BMPR1B: variants seen among roughly 807,000 people sequenced by gnomAD.
The protein encoded by BMPR1B is bone morphogenetic protein receptor type-1B.
BMPR1B carries 12 observed loss-of-function variants against 59.1 expected under a neutral mutation model. That is an observed-to-expected ratio of 0.20 (90% CI 0.13 to 0.33). The LOEUF (loss-of-function observed/expected upper bound fraction) is 0.33. Among genes scored for constraint, BMPR1B ranks in the 10% least tolerant of loss-of-function variants. The pLI, the probability that BMPR1B is intolerant of heterozygous loss-of-function variation, is 1.00. For missense variants in BMPR1B, 550 were observed against 610.9 expected (o/e 0.90, Z 1.05); for synonymous variants, 237 against 207.3 (o/e 1.14, Z -1.23).
intron 3 of BMPR1B, among the ~76,000 whole-genome samples, chr4:95,063,192 T>C (rs1305049418): frequency 3.3e-5 from 5 of 152,302 alleles, no homozygotes; most frequent in Non-Finnish European, 7.4e-5. Context: ...ACAATAGCTA[T>C]TAATAAACTA....
At chr4:94,758,767 C>T (rs756217848) in intron 1 of BMPR1B, among the ~76,000 whole-genome samples, 4 of 151,818 alleles carry the variant, frequency 2.6e-5, no homozygotes, top group African/African-American at 7.3e-5. Context: ...TCCTTTCTCC[C>T]TTCCTCTCCT....
At chr4:94,871,530 C>T (rs949771275) in intron 1 of BMPR1B, among the ~76,000 whole-genome samples, 2 of 152,070 alleles carry the variant, frequency 1.3e-5, no homozygotes, top group Non-Finnish European at 2.9e-5. Flanking sequence ...ATCCCCTCCC[C>T]CCACATATTC....
At chr4:95,108,299 A>G (rs1731337951) in intron 4 of BMPR1B, among the ~76,000 whole-genome samples, 1 of 152,114 alleles carries the variant, frequency 6.6e-6, no homozygotes, top group Non-Finnish European at 1.5e-5. Flanking sequence ...CCTTCTAGGT[A>G]AAACAGTTTA....
In BMPR1B at chr4:94,874,805, A is replaced by G. The variant is rs575284292; in HGVS notation, c.-182-1026A>G. 1.3e-3 allele frequency among the ~76,000 whole-genome samples: 201 copies of G among 152,210 alleles called. 3 individuals are homozygous for G. The highest frequency in any genetic ancestry group is 3.4e-3 in the Middle Eastern group (1 of 294). On this transcript the variant is annotated intron_variant, in intron 1 of 12. Coordinates refer to ENST00000515059, the MANE Select transcript of BMPR1B (RefSeq NM_001203.3). Reference sequence around the variant, plus strand: ...TCAGGAGTTCGAGACCAGCCTGACCAATATGGTGAAACGCCGTCTCTACTA... The same window carrying G: ...TCAGGAGTTCGAGACCAGCCTGACCGATATGGTGAAACGCCGTCTCTACTA...
intron 2 of BMPR1B, among the ~76,000 whole-genome samples, chr4:94,929,366 T>G (rs1449649828): frequency 6.6e-6 from 1 of 152,130 alleles, no homozygotes; most frequent in Non-Finnish European, 1.5e-5. Flanking sequence ...CACATCATAT[T>G]TGCTCCTCTG....
chr4:95,040,035 C>T (rs1329254924), intron 3 of BMPR1B, among the ~76,000 whole-genome samples: 1 of 152,160 alleles, frequency 6.6e-6, no homozygotes, highest in Non-Finnish European at 1.5e-5. Context: ...AGGTTAGTAA[C>T]AGCTAAGTCT....
chr4:94,961,069 T>C (rs1730333944), intron 2 of BMPR1B, among the ~76,000 whole-genome samples: 1 of 152,064 alleles, frequency 6.6e-6, no homozygotes, highest in Non-Finnish European at 1.5e-5. Flanking sequence ...GTCTGTTATC[T>C]GTGGATTTTG....
chr4:94,975,342 T>C (rs1394577136), intron 2 of BMPR1B, among the ~76,000 whole-genome samples: 2 of 150,708 alleles, frequency 1.3e-5, no homozygotes, highest in Non-Finnish European at 2.9e-5. Flanking sequence ...ATAAATAAAA[T>C]CTTAATTTCC....
chr4:94,771,147 A>C (rs79035792), intron 1 of BMPR1B, among the ~76,000 whole-genome samples: 172 of 152,298 alleles, frequency 1.1e-3, no homozygotes, highest in African/African-American at 3.9e-3. Flanking sequence ...ACACACATAC[A>C]AACCCCGAGA....
At chr4:95,095,220 A>G (rs910477743) in intron 3 of BMPR1B, among the ~76,000 whole-genome samples, 2 of 152,068 alleles carry the variant, frequency 1.3e-5, no homozygotes, top group Admixed American at 1.3e-4. Flanking sequence ...GAAAATAAAA[A>G]TTAGCGATTA....
intron 1 of BMPR1B, among the ~76,000 whole-genome samples, chr4:94,847,665 T>A (rs1417293750): frequency 6.6e-6 from 1 of 152,138 alleles, no homozygotes; most frequent in Non-Finnish European, 1.5e-5. Context: ...GACATTATGT[T>A]AAATGAAATG....
chr4:95,116,047 G>A (rs1732006494), intron 6 of BMPR1B, among the ~76,000 whole-genome samples: 2 of 152,112 alleles, frequency 1.3e-5, no homozygotes, highest in South Asian at 4.1e-4. Context: ...AGTTTGTAGT[G>A]TATTTCAGGG....
chr4:95,142,038 T>A (rs1468268095), intron 10 of BMPR1B, among the ~76,000 whole-genome samples: 1 of 152,210 alleles, frequency 6.6e-6, no homozygotes, highest in Non-Finnish European at 1.5e-5. Flanking sequence ...TAGTGAACAC[T>A]CCCAGTCAAG....
At chr4:95,112,113 CTTT>C (rs1731671816) in intron 4 of BMPR1B, among the ~76,000 whole-genome samples, 1 of 152,052 alleles carries the variant, frequency 6.6e-6, no homozygotes. Flanking sequence ...CATCAATTGT[CTTT>C]TTATTTCATT....
At chr4:94,779,450 AT>A (rs1346456595) in intron 1 of BMPR1B, among the ~76,000 whole-genome samples, 1 of 152,134 alleles carries the variant, frequency 6.6e-6, no homozygotes, top group Non-Finnish European at 1.5e-5. Context: ...TAATGATCAT[AT>A]TTTTCTTTTT....
chr4:95,142,119 A>C (rs1038652299), intron 10 of BMPR1B, among the ~76,000 whole-genome samples: 1 of 152,138 alleles, frequency 6.6e-6, no homozygotes, highest in Non-Finnish European at 1.5e-5. Context: ...AGATACCCTG[A>C]GATTTCTTGG....
intron 2 of BMPR1B, among the ~76,000 whole-genome samples, chr4:94,898,706 T>A (rs185890897): frequency 1.1e-5 from 1 of 89,910 alleles, no homozygotes; most frequent in Non-Finnish European, 2.1e-5. Context: ...CAGACTAATA[T>A]ACACTTTAAA....
At chr4:94,993,725 C>T (rs1002136703) in intron 2 of BMPR1B, among the ~76,000 whole-genome samples, 15 of 138,888 alleles carry the variant, frequency 1.1e-4, no homozygotes, top group Admixed American at 2.3e-4. Context: ...AGTGTCACTG[C>T]GCTCCAGCCT....
chr4:94,921,661 C>T (rs932262774), intron 2 of BMPR1B, among the ~76,000 whole-genome samples: 1 of 152,098 alleles, frequency 6.6e-6, no homozygotes, highest in Non-Finnish European at 1.5e-5. Context: ...CCCCCTTGAT[C>T]CACTCATCTC....
Sources: allele counts gnomAD v4.1 joint callset (sites outside exome capture counted in the v4.1 genomes callset), GRCh38; gene constraint gnomAD v4.1.1; transcripts MANE v1.5; gene names NCBI Gene and HGNC (gene_info 2026-07-23, HGNC 2026-07-21).